Variants in ZDHHC14 observed in about 807,000 individuals in gnomAD.
ZDHHC14 encodes the protein palmitoyltransferase ZDHHC14.
A neutral mutation model predicts 47.7 loss-of-function variants in ZDHHC14; 16 were observed. The ratio of observed to expected loss-of-function variants is 0.34; its 90% CI spans 0.23 to 0.51. The LOEUF (loss-of-function observed/expected upper bound fraction) is 0.51, where lower values mean the gene tolerates loss of function less well. ZDHHC14 is among the 20% of genes least tolerant of loss of function. The pLI is 0.97. For synonymous variants in ZDHHC14, 293 were observed against 278.9 expected, an observed-to-expected ratio of 1.05 and a Z score of -0.50; for missense variants, 515 against 662.5, an observed-to-expected ratio of 0.78 and a Z score of 2.44.
intron 1 of ZDHHC14, among the ~76,000 whole-genome samples, chr6:157,540,092 T>C (rs540311018): frequency 9.3e-4 from 142 of 152,288 alleles, no homozygotes; most frequent in Non-Finnish European, 1.6e-3. Flanking sequence ...GCAGTAGGCC[T>C]CCCCGCGTCA....
chr6:157,537,767 C>T (rs1397541816), intron 1 of ZDHHC14, among the ~76,000 whole-genome samples: 1 of 152,178 alleles, frequency 6.6e-6, no homozygotes, highest in Non-Finnish European at 1.5e-5. Flanking sequence ...GAGTTCCCAT[C>T]CACAGTTGCT....
At chr6:157,570,648 G>A (rs181439411) in intron 2 of ZDHHC14, among the ~76,000 whole-genome samples, 5 of 152,222 alleles carry the variant, frequency 3.3e-5, no homozygotes, top group Admixed American at 3.3e-4. Flanking sequence ...TTTGTTATGA[G>A]CATGTATTGG....
At chr6:157,615,787 T>TTTTTG (rs66704112) in intron 3 of ZDHHC14, among the ~76,000 whole-genome samples, 15,943 of 151,424 alleles carry the variant, frequency 0.11, 2,302 homozygotes, top group African/African-American at 0.33. Flanking sequence ...GCTGACTGCA[T>TTTTTG]TTTTGTTTTG....
intron 8 of ZDHHC14, among the ~76,000 whole-genome samples, chr6:157,662,451 G>T (rs1223301535): frequency 6.6e-6 from 1 of 152,232 alleles, no homozygotes; most frequent in African/African-American, 2.4e-5. Flanking sequence ...CAAAGTGCTG[G>T]GATTACAGGC....
chr6:157,526,741 G>A (rs528045526), intron 1 of ZDHHC14, among the ~76,000 whole-genome samples: 4 of 152,324 alleles, frequency 2.6e-5, no homozygotes, highest in East Asian at 3.9e-4. Flanking sequence ...CTACTTCAGC[G>A]ACTGTGGGAA....
chr6:157,607,718 A>C (rs1187133906), intron 3 of ZDHHC14, among the ~76,000 whole-genome samples: 1 of 152,186 alleles, frequency 6.6e-6, no homozygotes, highest in Non-Finnish European at 1.5e-5. Flanking sequence ...CTCGTTGTCC[A>C]TACTTTCTTC....
At chr6:157,440,311 A>G (rs1778536346) in intron 1 of ZDHHC14, among the ~76,000 whole-genome samples, 1 of 152,162 alleles carries the variant, frequency 6.6e-6, no homozygotes, top group Non-Finnish European at 1.5e-5. Context: ...GACAAAATAG[A>G]GAAATTAGTC....
chr6:157,435,998 A>G (rs1778433445), intron 1 of ZDHHC14, among the ~76,000 whole-genome samples: 2 of 152,084 alleles, frequency 1.3e-5, no homozygotes, highest in Non-Finnish European at 2.9e-5. Context: ...ATGGGTGTGA[A>G]GAATTAGGGC....
chr6:157,590,733 T>C (rs1427544337), intron 2 of ZDHHC14, among the ~76,000 whole-genome samples: 1 of 152,166 alleles, frequency 6.6e-6, no homozygotes, highest in Non-Finnish European at 1.5e-5. Context: ...CTAGTGGAGC[T>C]GTGAGAAGAG....
At chr6:157,511,594 G>A (rs564596112) in intron 1 of ZDHHC14, among the ~76,000 whole-genome samples, 8 of 142,442 alleles carry the variant, frequency 5.6e-5, no homozygotes, top group African/African-American at 1.1e-4. Flanking sequence ...GGGTTTCTCC[G>A]TGTTGGTCAG....
chr6:157,383,447 G>C (rs1392879475), intron 1 of ZDHHC14, among the ~76,000 whole-genome samples: 2 of 152,146 alleles, frequency 1.3e-5, no homozygotes, highest in Admixed American at 6.5e-5. Flanking sequence ...TTCTGATTAG[G>C]ATTAATAGGC....
chr6:157,431,916 A>G (rs1277443131), intron 1 of ZDHHC14, among the ~76,000 whole-genome samples: 1 of 151,818 alleles, frequency 6.6e-6, no homozygotes, highest in Admixed American at 6.6e-5. Flanking sequence ...TTTTGTAGAG[A>G]TAGGGTTTTG....
At chr6:157,632,649 C>T in intron 4 of ZDHHC14, 185 bp from the exon 5 acceptor site, 1 of 653,252 alleles carries the variant, frequency 1.5e-6, no homozygotes, top group Non-Finnish European at 2.8e-6. Context: ...ATGAATCCTC[C>T]ATTTTCTTGA....
rs1187065924 is a variant in ZDHHC14 at position 157,579,190 on chromosome 6, GTTTTTTTTTTTTTT to G, written c.407-13785_407-13772del. ...GCCATTTTAATGATATTGATTCTGT[GTTTTTTTTTTTTTT>G]TTTTTTTTTTTTGGATGGAGTCTCA... is the stretch of plus-strand genomic sequence containing the variant. On this transcript the variant is annotated intron_variant, in intron 2 of 8. Coordinates refer to ENST00000359775, the MANE Select transcript of ZDHHC14 (RefSeq NM_024630.3). Among the ~76,000 whole-genome samples the G allele has an allele frequency of 2.3e-4, 15 of 63,968 alleles. 2 individuals are homozygous for G. The South Asian group carries it at 5.0e-3, about 22-fold the overall frequency. 42.0% of individuals were successfully genotyped at this position (63,968 alleles called of 152,430 possible). A position where few individuals can be genotyped will look rare whatever the true frequency, so the allele number is the denominator to read the frequency against.
chr6:157,627,416 G>A (rs775471142), intron 3 of ZDHHC14, among the ~76,000 whole-genome samples: 2 of 152,220 alleles, frequency 1.3e-5, no homozygotes, highest in Non-Finnish European at 2.9e-5. Flanking sequence ...TCTTGTATGA[G>A]CGAGTATGTT....
At chr6:157,543,697 C>T (rs1781856760) in intron 2 of ZDHHC14, among the ~76,000 whole-genome samples, 1 of 152,224 alleles carries the variant, frequency 6.6e-6, no homozygotes, top group African/African-American at 2.4e-5. Flanking sequence ...CTCTCGACAT[C>T]TGCCTTCATC....
rs891391915 is a variant in ZDHHC14, at chr6:157,582,009, C to T, written c.407-10979C>T. 2.0e-5 allele frequency among the ~76,000 whole-genome samples: 3 copies of T among 152,162 alleles called. No homozygotes were observed. On this transcript the variant is annotated intron_variant, in intron 2 of 8. Transcript: ENST00000359775. The surrounding 1 kb of genome is among the most constrained non-coding windows in gnomAD (Gnocchi z 4.3). ...CTCCCAGGTTCAAGTGATTCACCCA[C>T]CTCAACCTCCTGAGTAGCTGGAACT... is the stretch of plus-strand genomic sequence containing the variant.
At chr6:157,568,515 G>A (rs1437730639) in intron 2 of ZDHHC14, among the ~76,000 whole-genome samples, 1 of 151,964 alleles carries the variant, frequency 6.6e-6, no homozygotes, top group Admixed American at 6.6e-5. Flanking sequence ...GTAATCCACT[G>A]TATGATCACA....
At chr6:157,576,293 A>G (rs1397971935) in intron 2 of ZDHHC14, among the ~76,000 whole-genome samples, 1 of 152,228 alleles carries the variant, frequency 6.6e-6, no homozygotes, top group Non-Finnish European at 1.5e-5. Flanking sequence ...TTATTAAGAA[A>G]ATTTCACATT....
Sources: gnomAD v4.1 joint callset for allele counts (sites outside exome capture counted in the v4.1 genomes callset) on GRCh38, gnomAD v4.1.1 for gene constraint, Gnocchi (gnomAD v3.1) non-coding constraint, MANE v1.5 for transcripts, NCBI Gene and HGNC (gene_info 2026-07-23, HGNC 2026-07-21) for gene names.